Variants in MACF1 observed in about 807,000 individuals in gnomAD.
MACF1 encodes microtubule actin crosslinking factor 1.
A neutral mutation model predicts 854.8 loss-of-function variants in MACF1; 193 were observed. That is an observed-to-expected ratio of 0.23 (90% CI 0.20 to 0.25). The LOEUF is 0.25. MACF1 is among the 10% of genes least tolerant of loss of function. The pLI, the probability that MACF1 is intolerant of heterozygous loss-of-function variation, is 1.00. For missense variants in MACF1, 7,722 were observed against 8,929.1 expected (o/e 0.86, Z 5.45); for synonymous variants, 3,185 against 3,226.7 (o/e 0.99, Z 0.44).
At chr1:39,236,116 C>A (rs1644857488) in intron 2 of MACF1, among the ~76,000 whole-genome samples, 1 of 152,176 alleles carries the variant, frequency 6.6e-6, no homozygotes, top group African/African-American at 2.4e-5. Context: ...GCTGTGGGTT[C>A]TGTTAATATC....
At chr1:39,179,782 A>G (rs1644080251) in intron 2 of MACF1, among the ~76,000 whole-genome samples, 2 of 152,120 alleles carry the variant, frequency 1.3e-5, no homozygotes, top group Non-Finnish European at 2.9e-5. Context: ...TGGGAGGCCG[A>G]GGCAGGTGGA....
Position 39,248,128 on chromosome 1 carries a change from A to G in MACF1, c.172-1886A>G, listed in dbSNP as rs185733352. On this transcript the variant is annotated intron_variant, in intron 2 of 100. Coordinates refer to ENST00000564288, the MANE Select transcript of MACF1 (RefSeq NM_001394062.1). ...GTCACCTTCTTATTTCTTTACACAC[A>G]TACATACACACATACCTTGCATATG... Among the ~76,000 whole-genome samples, 40 of 152,266 alleles carry G rather than the reference A, an allele frequency of 2.6e-4. 1 individual carries two copies. The highest frequency in any genetic ancestry group is 9.1e-4 in the African/African-American group (38 of 41,546).
Position 39,334,997 on chromosome 1 carries a change from G to T in MACF1, c.8409G>T (p.Met2803Ile). 6.2e-7 allele frequency: 1 copy of T among 1,614,094 alleles called. No homozygotes were observed. Among genetic ancestry groups the T allele is most frequent in the Non-Finnish European group, 8.5e-7 (1 of 1,179,974 alleles). Residue 2803 changes from methionine to isoleucine, a missense_variant, in exon 37 of 101, where the codon ATG (methionine) becomes ATT (isoleucine). By Grantham distance (10) the Met-to-Ile change is conservative. This residue lies in a region of MACF1 where 1,531 missense variants were observed against 1,601.6 expected (regional missense o/e 0.96). Transcript: ENST00000564288. ...MLIACNQTAE[M>I]SCNKVEESER... ...TTGCTTGTAATCAGACTGCTGAAAT[G>T]AGTTGTAATAAAGTAGAAGAGAGTG... is the stretch of plus-strand genomic sequence containing the variant.
At chr1:39,464,858 G>A (rs1460353449) in intron 94 of MACF1, 19 of 459,160 alleles carry the variant, frequency 4.1e-5, no homozygotes, top group Admixed American at 7.0e-5. Context: ...AGGTTGCAGT[G>A]AGCCATGATC....
chr1:39,261,471 A>G (rs1182072040), intron 6 of MACF1, among the ~76,000 whole-genome samples: 1 of 152,138 alleles, frequency 6.6e-6, no homozygotes, highest in Non-Finnish European at 1.5e-5. Flanking sequence ...GCACATTTTC[A>G]TCACCAGCCT....
chr1:39,408,784 C>T (rs1569929162), intron 58 of MACF1, among the ~76,000 whole-genome samples: 1 of 152,136 alleles, frequency 6.6e-6, no homozygotes, highest in East Asian at 1.9e-4. Context: ...GGCCCCGGGG[C>T]GCGGTGGGCG....
chr1:39,414,463 T>G, intron 58 of MACF1: 2 of 1,613,990 alleles, frequency 1.2e-6, no homozygotes, highest in South Asian at 1.1e-5. Context: ...AACCGCTGGA[T>G]TAAATTCAGA....
chr1:39,423,960 T>G lies in MACF1; in HGVS notation c.16150-68T>G, dbSNP rs1053407551. 237 of 1,401,568 alleles carry G rather than the reference T, an allele frequency of 1.7e-4. No individual in the cohort carries two copies. In the African/African-American group the frequency reaches 3.0e-3, roughly 18 times the overall value. 86.8% of individuals were successfully genotyped at this position (1,401,568 alleles called of 1,614,324 possible). On this transcript the variant is annotated intron_variant, in intron 60 of 100. Coordinates refer to ENST00000564288, the MANE Select transcript of MACF1 (RefSeq NM_001394062.1). The stretch of plus-strand genomic sequence containing the variant: ...TTGGCGGGTTGGTTTCTTTTGTTTT[T>G]TTTCTTTCTTCCTAGTTCAGATTTC...
At position 39,331,682 on chromosome 1, in the gene MACF1, T is replaced by C; in HGVS notation, c.5094T>C (p.Asn1698=). The C allele has an allele frequency of 6.2e-7, 1 of 1,614,142 alleles. No individual in the cohort carries two copies. The highest frequency in any genetic ancestry group is 1.7e-5 in the Admixed American group (1 of 60,018). ...AGTCTTATCTTAGAACATCCAAGAA[T>C]TTGATAGACCCTAACACAGCTGAGA... ...VLESYLRTSK[N]LIDPNTAEKI... Residue 1698 remains asparagine (N), a synonymous_variant, in exon 37 of 101, where the codon AAT becomes AAC. Transcript: ENST00000564288.
chr1:39,469,104 A>T (rs6698791), intron 96 of MACF1, among the ~76,000 whole-genome samples: 91,268 of 152,094 alleles, frequency 0.6, 29,614 homozygotes, highest in South Asian at 0.78. Flanking sequence ...CCTGTGGCTG[A>T]TACTCAGGGA....
rs1320091013 is a variant in MACF1 at position 39,468,632 on chromosome 1, G to A, written c.21789G>A (p.Gln7263=). The A allele has an allele frequency of 6.2e-7, 1 of 1,614,122 alleles. No individual in the cohort carries two copies. Among genetic ancestry groups the A allele is most frequent in the South Asian group, 1.1e-5 (1 of 91,080 alleles). ...TTCTACAGTTTGGGGATTCTCAGCAGTTGCGGCTGGTCCGTATTCTGCGCA... is the reference window on the plus strand; with the variant it reads ...TTCTACAGTTTGGGGATTCTCAGCAATTGCGGCTGGTCCGTATTCTGCGCA... The part of the protein sequence containing the change: ...FLGNQFGDSQ[Q]LRLVRILRST... Residue 7263 remains glutamine, a synonymous_variant, in exon 96 of 101, where the codon CAG becomes CAA. Coordinates refer to ENST00000564288, the MANE Select transcript of MACF1 (RefSeq NM_001394062.1).
chr1:39,310,508 TGA>T, intron 25 of MACF1, 80 bp downstream of exon 25: 1 of 1,430,394 alleles, frequency 7.0e-7, no homozygotes, highest in Non-Finnish European at 9.4e-7. Flanking sequence ...TTCATATAAA[TGA>T]GAGAGTAACA....
chr1:39,383,936 G>A (rs1650471714), intron 56 of MACF1, among the ~76,000 whole-genome samples: 1 of 152,034 alleles, frequency 6.6e-6, no homozygotes, highest in Non-Finnish European at 1.5e-5. Flanking sequence ...GGCTTAATAG[G>A]CTATTCTGCT....
chr1:39,370,866 A>C (rs1649166673), intron 51 of MACF1, among the ~76,000 whole-genome samples: 1 of 151,364 alleles, frequency 6.6e-6, no homozygotes, highest in African/African-American at 2.4e-5. Context: ...AAACAGAAAC[A>C]AAAAAAAACT....
intron 78 of MACF1, 87 bp downstream of exon 78, chr1:39,442,998 A>G: frequency 7.6e-7 from 1 of 1,319,796 alleles, no homozygotes; most frequent in Non-Finnish European, 1.1e-6. Context: ...CAATTTGAAA[A>G]GCAAAGAATC....
chr1:39,219,068 A>C (rs182656438), intron 1 of MACF1, among the ~76,000 whole-genome samples: 8 of 152,348 alleles, frequency 5.3e-5, no homozygotes, highest in Admixed American at 1.3e-4. Flanking sequence ...GGCATGAGCC[A>C]TCACACCCGG....
chr1:39,236,955 G>A (rs1472326266), intron 2 of MACF1, among the ~76,000 whole-genome samples: 1 of 152,156 alleles, frequency 6.6e-6, no homozygotes, highest in African/African-American at 2.4e-5. Context: ...GCGTCCAGCC[G>A]TGATTTCCTT....
intron 90 of MACF1, 179 bp from the exon 91 acceptor site, chr1:39,458,907 G>C: frequency 1.7e-6 from 1 of 601,032 alleles, no homozygotes; most frequent in South Asian, 2.2e-5. Flanking sequence ...GTATGTGCTG[G>C]GAGGATCAGT....
chr1:39,460,484 C>T lies in MACF1; in HGVS notation c.21361-148C>T. 1 of 673,316 alleles carries T rather than the reference C, an allele frequency of 1.5e-6. No individual in the cohort carries two copies. Among genetic ancestry groups the T allele is most frequent in the Non-Finnish European group, 2.6e-6 (1 of 391,498 alleles). 41.7% of individuals were successfully genotyped at this position (673,316 alleles called of 1,614,324 possible). ...TTTAAGTGAAAGAGCCAGATTGTGC[C>T]TTCACAAAAGAAGCAAACACATAGA... On this transcript the variant is annotated intron_variant, in intron 91 of 100. Transcript: ENST00000564288. The surrounding 1 kb of genome is among the most constrained non-coding windows in gnomAD (Gnocchi z 4.1).
Sources: allele counts gnomAD v4.1 joint callset (sites outside exome capture counted in the v4.1 genomes callset), GRCh38; gene constraint gnomAD v4.1.1; regional missense constraint gnomAD v4.1.1; non-coding constraint Gnocchi (gnomAD v3.1); transcripts MANE v1.5; gene names NCBI Gene and HGNC (gene_info 2026-07-23, HGNC 2026-07-21).